The following ZNF469 variants were observed in gnomAD, a reference collection of about 807,000 sequenced individuals.
The protein encoded by ZNF469 is zinc finger protein 469.
ZNF469 carries 1 observed loss-of-function variant against 1.0 expected under a neutral mutation model. The observed-to-expected ratio is 1.00, with a 90% CI of 0.35 to 4.73. The LOEUF (loss-of-function observed/expected upper bound fraction) is 4.73, where lower values mean the gene tolerates loss of function less well. ZNF469 is among the 30% of genes most tolerant of loss of function. ZNF469 has a pLI of 0.16. For synonymous variants in ZNF469, 2,703 were observed against 2,363.4 expected (o/e 1.14, Z -4.17); for missense variants, 6,100 against 5,356.3 (o/e 1.14, Z -4.33).
At chr16:88,111,931 G>A in the ZNF469 span, among the ~76,000 whole-genome samples, 20 of 151,982 alleles carry the variant, frequency 1.3e-4, no homozygotes, top group Admixed American at 1.3e-4. Context: ...CACCGCGCCC[G>A]GCCAAAAACG....
chr16:88,128,951 C>A, the ZNF469 span, among the ~76,000 whole-genome samples: 2 of 152,232 alleles, frequency 1.3e-5, no homozygotes, highest in African/African-American at 4.8e-5. Context: ...ATGGAGAGAA[C>A]CTTCGATGAC....
chr16:88,163,612 AGATGGATGGATGGATGGATGGATGGATG>A, the ZNF469 span, among the ~76,000 whole-genome samples: 1 of 129,752 alleles, frequency 7.7e-6, no homozygotes, highest in Non-Finnish European at 1.6e-5. Flanking sequence ...GTGCATTGGT[AGATGGATGGATGGATGGATGGATGGATG>A]GATGGATGGA....
At chr16:88,421,608 A>G (rs545763942) in intron 1 of ZNF469, among the ~76,000 whole-genome samples, 2 of 152,226 alleles carry the variant, frequency 1.3e-5, no homozygotes, top group African/African-American at 4.8e-5. Flanking sequence ...GGGGCAGAGG[A>G]AAGGGGATGG....
At chr16:88,373,981 CAG>C in the ZNF469 span, among the ~76,000 whole-genome samples, 2 of 150,288 alleles carry the variant, frequency 1.3e-5, no homozygotes, top group African/African-American at 4.9e-5. Context: ...GCCTGGGCAA[CAG>C]AGTGAGACTT....
the ZNF469 span, among the ~76,000 whole-genome samples, chr16:88,355,832 G>A: frequency 6.6e-6 from 1 of 152,158 alleles, no homozygotes; most frequent in African/African-American, 2.4e-5. Context: ...AAGAGGTGTG[G>A]GACTCCCAGG....
intron 1 of ZNF469, among the ~76,000 whole-genome samples, chr16:88,418,185 C>T (rs1419563155): frequency 2.6e-5 from 4 of 152,220 alleles, no homozygotes; most frequent in Non-Finnish European, 5.9e-5. Context: ...GTGATGCCGG[C>T]AGTGAGGACA....
the ZNF469 span, among the ~76,000 whole-genome samples, chr16:88,108,758 T>C: frequency 6.6e-6 from 1 of 152,186 alleles, no homozygotes; most frequent in Non-Finnish European, 1.5e-5. Context: ...GGCTAGGTCA[T>C]CATGGGCACC....
At chr16:88,208,109 T>C in the ZNF469 span, among the ~76,000 whole-genome samples, 1 of 152,136 alleles carries the variant, frequency 6.6e-6, no homozygotes, top group Admixed American at 6.5e-5. Flanking sequence ...CGTGGCTTTT[T>C]AAAGATTTAA....
the ZNF469 span, among the ~76,000 whole-genome samples, chr16:88,256,896 T>TCTCTCTCTCTC: frequency 2.6e-4 from 7 of 27,158 alleles, no homozygotes; most frequent in South Asian, 1.3e-3. Context: ...TTTTCTTTCC[T>TCTCTCTCTCTC]TCTTTCTTTC....
chr16:88,341,593 C>T, the ZNF469 span, among the ~76,000 whole-genome samples: 18 of 152,346 alleles, frequency 1.2e-4, no homozygotes, highest in African/African-American at 3.8e-4. Flanking sequence ...TCCTAACTCC[C>T]GCACGGCTCA....
In ZNF469 at chr16:88,432,179, A is replaced by T; in HGVS notation, c.4709A>T (p.Glu1570Val). 1 of 1,550,340 alleles carries T rather than the reference A, an allele frequency of 6.5e-7. No individual in the cohort carries two copies. Among genetic ancestry groups the T allele is most frequent in the Non-Finnish European group, 8.7e-7 (1 of 1,146,976 alleles). The change falls in exon 3 of 3, where the codon GAA becomes GTA. Residue 1570 changes from glutamate to valine, a missense_variant. Glu to Val is a moderately radical substitution (Grantham distance 121). Coordinates refer to ENST00000565624, the MANE Select transcript of ZNF469 (RefSeq NM_001367624.2). Reference protein sequence around the residue: ...DELEIQKLVTELESQLQRSKD... With the variant: ...DELEIQKLVTVLESQLQRSKD... ...CTGGAGATCCAGAAATTGGTCACCG[A>T]ATTAGAAAGTCAGCTGCAAAGGAGC...
the ZNF469 span, among the ~76,000 whole-genome samples, chr16:88,321,334 G>A: frequency 1.2e-4 from 18 of 152,382 alleles, no homozygotes; most frequent in African/African-American, 3.1e-4. Context: ...GTTTTTGCCC[G>A]TAAGGCCTTG....
At chr16:88,425,994 G>A (rs1905681859) in intron 2 of ZNF469, among the ~76,000 whole-genome samples, 1 of 152,264 alleles carries the variant, frequency 6.6e-6, no homozygotes, top group South Asian at 2.1e-4. Flanking sequence ...CCAGCCGGAA[G>A]TACAGGTACC....
upstream of ZNF469, among the ~76,000 whole-genome samples, chr16:88,378,684 G>A (rs1038507423): frequency 1.3e-5 from 2 of 152,200 alleles, no homozygotes; most frequent in African/African-American, 4.8e-5. Context: ...GGGAGAGGGT[G>A]GCAGCAGTCA....
the ZNF469 span, among the ~76,000 whole-genome samples, chr16:88,316,031 C>T: frequency 2.0e-5 from 3 of 152,236 alleles, no homozygotes; most frequent in East Asian, 1.9e-4. Flanking sequence ...CTCTGTAGGG[C>T]GGCACCTGGA....
the ZNF469 span, among the ~76,000 whole-genome samples, chr16:88,212,103 C>T: frequency 1.3e-5 from 2 of 152,182 alleles, no homozygotes; most frequent in African/African-American, 2.4e-5. Context: ...ATTTTGTCCT[C>T]TTAAAGTTGC....
chr16:88,284,969 C>T, the ZNF469 span, among the ~76,000 whole-genome samples: 2 of 152,276 alleles, frequency 1.3e-5, no homozygotes, highest in African/African-American at 4.8e-5. Context: ...TATTTCCCAA[C>T]AGAGATCATC....
chr16:88,380,266 C>G (rs2092517635), upstream of ZNF469, among the ~76,000 whole-genome samples: 1 of 139,720 alleles, frequency 7.2e-6, no homozygotes, highest in African/African-American at 3.0e-5. Context: ...CACACGTGCA[C>G]TCACACACCC....
At chr16:88,415,427 C>T (rs1268629722) in intron 1 of ZNF469, among the ~76,000 whole-genome samples, 1 of 152,224 alleles carries the variant, frequency 6.6e-6, no homozygotes, top group Admixed American at 6.5e-5. Flanking sequence ...GGGAAGAAGG[C>T]TCTGTGTCCT....
Sources: gnomAD v4.1 joint callset for allele counts (sites outside exome capture counted in the v4.1 genomes callset) on GRCh38, gnomAD v4.1.1 for gene constraint, MANE v1.5 for transcripts, NCBI Gene and HGNC (gene_info 2026-07-23, HGNC 2026-07-21) for gene names.